Variants in RAD51B observed in about 807,000 individuals in gnomAD.
The protein encoded by RAD51B is DNA repair protein RAD51 homolog 2.
In RAD51B, 38 loss-of-function variants were observed where a neutral mutation model predicts 42.2. That is an observed-to-expected ratio of 0.90 (90% confidence interval 0.70 to 1.18). The LOEUF (loss-of-function observed/expected upper bound fraction) is 1.18. Ranked by LOEUF, RAD51B falls within the 50% of genes most tolerant of loss-of-function variation. The probability of loss-of-function intolerance (pLI) is 0.00; values close to 1 mark genes in which losing one functional copy is unlikely to be tolerated. For synonymous variants in RAD51B, 154 were observed against 145.2 expected, an observed-to-expected ratio of 1.06 and a Z score of -0.43; for missense variants, 373 against 400.7, an observed-to-expected ratio of 0.93 and a Z score of 0.59.
At chr14:67,920,524 G>A (rs2044289073) in intron 7 of RAD51B, among the ~76,000 whole-genome samples, 1 of 152,008 alleles carries the variant, frequency 6.6e-6, no homozygotes, top group African/African-American at 2.4e-5. Flanking sequence ...GTTAATATAT[G>A]CACAGATAAA....
At chr14:67,878,777 A>G (rs900399001) in intron 5 of RAD51B, among the ~76,000 whole-genome samples, 2 of 152,086 alleles carry the variant, frequency 1.3e-5, no homozygotes, top group Admixed American at 6.6e-5. Flanking sequence ...TTGGTTCACT[A>G]TAACCTCCAC....
intron 7 of RAD51B, among the ~76,000 whole-genome samples, chr14:68,185,373 T>C (rs1268794615): frequency 6.6e-6 from 1 of 152,174 alleles, no homozygotes; most frequent in Non-Finnish European, 1.5e-5. Flanking sequence ...ATCATTTCAG[T>C]TTGCTATTCC....
chr14:68,294,535 GTTA>G (rs977488042), intron 8 of RAD51B, among the ~76,000 whole-genome samples: 3 of 152,170 alleles, frequency 2.0e-5, no homozygotes, highest in Admixed American at 2.0e-4. Context: ...TTGCCATTGT[GTTA>G]TTAACTGTGG....
At chr14:68,149,282 G>T (rs1358867271) in intron 7 of RAD51B, among the ~76,000 whole-genome samples, 1 of 152,014 alleles carries the variant, frequency 6.6e-6, no homozygotes, top group Non-Finnish European at 1.5e-5. Flanking sequence ...CCAAGCCCAA[G>T]ATCACCTAGA....
At chr14:68,412,257 C>G (rs977652512) in intron 9 of RAD51B, among the ~76,000 whole-genome samples, 1 of 152,086 alleles carries the variant, frequency 6.6e-6, no homozygotes, top group African/African-American at 2.4e-5. Flanking sequence ...CTAACCTCAA[C>G]TTTATCCTGC....
intron 7 of RAD51B, among the ~76,000 whole-genome samples, chr14:68,137,745 G>A (rs1362580958): frequency 6.6e-6 from 1 of 152,230 alleles, no homozygotes; most frequent in African/African-American, 2.4e-5. Context: ...AGGTGAACAA[G>A]AGCAGTCTAT....
chr14:68,034,615 A>G (rs2076094109), intron 7 of RAD51B, among the ~76,000 whole-genome samples: 1 of 152,286 alleles, frequency 6.6e-6, no homozygotes, highest in East Asian at 1.9e-4. Flanking sequence ...AAGATAGTTT[A>G]TTTATATAAC....
intron 7 of RAD51B, among the ~76,000 whole-genome samples, chr14:68,043,560 GA>G (rs1452884351): frequency 6.6e-6 from 1 of 152,150 alleles, no homozygotes; most frequent in Non-Finnish European, 1.5e-5. Flanking sequence ...TTGGAACTTG[GA>G]ATCTTGAACT....
At chr14:67,945,899 A>G (rs983417398) in intron 7 of RAD51B, among the ~76,000 whole-genome samples, 11 of 152,216 alleles carry the variant, frequency 7.2e-5, no homozygotes, top group African/African-American at 2.7e-4. Flanking sequence ...AGTCTGCACA[A>G]ATTTCTCAGT....
intron 11 of RAD51B, among the ~76,000 whole-genome samples, chr14:68,661,369 G>A (rs530730795): frequency 2.0e-5 from 3 of 152,288 alleles, no homozygotes; most frequent in South Asian, 2.1e-4. Flanking sequence ...TGCTGCACGC[G>A]CTGGAATCCC....
At chr14:68,323,150 G>A (rs183408867) in intron 8 of RAD51B, among the ~76,000 whole-genome samples, 1 of 152,144 alleles carries the variant, frequency 6.6e-6, no homozygotes, top group Non-Finnish European at 1.5e-5. Flanking sequence ...CCAAAGACAG[G>A]AGCGCCCAGG....
intron 7 of RAD51B, among the ~76,000 whole-genome samples, chr14:67,955,574 T>A (rs889461476): frequency 6.6e-6 from 1 of 152,244 alleles, no homozygotes; most frequent in African/African-American, 2.4e-5. Flanking sequence ...GCCTAATGTG[T>A]AAAAGATGTT....
At chr14:67,857,602 A>G (rs1290114881) in intron 4 of RAD51B, among the ~76,000 whole-genome samples, 1 of 152,246 alleles carries the variant, frequency 6.6e-6, no homozygotes, top group Non-Finnish European at 1.5e-5. Flanking sequence ...AAAATCACAA[A>G]GCATTGAACA....
At chr14:68,567,253 C>A (rs1054997917) in intron 10 of RAD51B, among the ~76,000 whole-genome samples, 2 of 151,902 alleles carry the variant, frequency 1.3e-5, no homozygotes, top group Non-Finnish European at 2.9e-5. Flanking sequence ...GAGCCAAGAT[C>A]GCGGCCACTG....
At chr14:68,541,377 T>A in intron 10 of RAD51B, 1 of 985,432 alleles carries the variant, frequency 1.0e-6, no homozygotes, top group Non-Finnish European at 1.2e-6. Context: ...CCATAGTCCT[T>A]CCCAGAAGCA....
chr14:68,185,867 A>C (rs2079147662), intron 7 of RAD51B, among the ~76,000 whole-genome samples: 1 of 152,212 alleles, frequency 6.6e-6, no homozygotes, highest in South Asian at 2.1e-4. Flanking sequence ...AGTTCCTAAC[A>C]GGCCACAGAC....
intron 10 of RAD51B, among the ~76,000 whole-genome samples, chr14:68,576,496 G>A (rs1290997): frequency 4.6e-4 from 70 of 152,196 alleles, no homozygotes; most frequent in African/African-American, 1.7e-3. Flanking sequence ...CTTGTTCTAG[G>A]GAAAGTGTCT....
downstream of RAD51B, among the ~76,000 whole-genome samples, chr14:68,614,433 T>C (rs1257774373): frequency 3.9e-5 from 6 of 152,220 alleles, no homozygotes; most frequent in Non-Finnish European, 8.8e-5. Context: ...ATTCACAAAA[T>C]TGTGCAATTA....
intron 8 of RAD51B, among the ~76,000 whole-genome samples, chr14:68,319,573 C>T (rs1160742254): frequency 2.0e-5 from 3 of 152,140 alleles, no homozygotes; most frequent in Non-Finnish European, 4.4e-5. Flanking sequence ...TTCTTGTAGC[C>T]AGCTCTGGAG....
Sources: gnomAD v4.1 joint callset for allele counts (sites outside exome capture counted in the v4.1 genomes callset) on GRCh38, gnomAD v4.1.1 for gene constraint, MANE v1.5 for transcripts, NCBI Gene and HGNC (gene_info 2026-07-23, HGNC 2026-07-21) for gene names.